The following CPNE5 variants were observed in gnomAD, a reference collection of about 807,000 sequenced individuals.
The protein encoded by CPNE5 is copine-5.
Under a neutral mutation model 81.1 loss-of-function variants are expected in CPNE5, and 42 were observed. The ratio of observed to expected loss-of-function variants is 0.52; its 90% CI spans 0.40 to 0.67. The LOEUF (loss-of-function observed/expected upper bound fraction) is 0.67. Among genes scored for constraint, CPNE5 ranks in the 30% least tolerant of loss-of-function variants. The pLI is 0.00. For synonymous variants in CPNE5, 313 were observed against 321.5 expected, an observed-to-expected ratio of 0.97 and a Z score of 0.28; for missense variants, 612 against 815.5, an observed-to-expected ratio of 0.75 and a Z score of 3.04.
At chr6:36,769,904 C>T (rs922450970) in intron 10 of CPNE5, among the ~76,000 whole-genome samples, 3 of 152,284 alleles carry the variant, frequency 2.0e-5, no homozygotes, top group Non-Finnish European at 2.9e-5. Flanking sequence ...TGGGAAGCTG[C>T]GGTGACTCCT....
chr6:36,742,505 G>A lies in CPNE5; in HGVS notation c.1564-19C>T, dbSNP rs147311998. On this transcript the variant is annotated intron_variant, in intron 20 of 20. Coordinates refer to ENST00000244751, the MANE Select transcript of CPNE5 (RefSeq NM_020939.2). ...GTACAAACTGGCAAGTGGGAGGGCA[G>A]GGTCAGGCAGTGCCTCCTGTGGGAC... The A allele has an allele frequency of 1.4e-4, 221 of 1,602,488 alleles. No homozygotes were observed. The highest frequency in any genetic ancestry group is 1.8e-4 in the Non-Finnish European group (214 of 1,174,998).
rs74292962 is a variant in CPNE5 at position 36,819,078 on chromosome 6, A to G, written c.183+3036T>C. Among the ~76,000 whole-genome samples, 625 of 152,284 alleles carry G rather than the reference A, an allele frequency of 4.1e-3. 3 individuals carry two copies. Among genetic ancestry groups the G allele is most frequent in the South Asian group, 0.02 (97 of 4,818 alleles). On this transcript the variant is annotated intron_variant, in intron 3 of 20. Transcript: ENST00000244751. ...GTAAACTTTAGCCCAGCCCCTGTGG[A>G]AATATTTCTCACATTTTTTTTGTTT...
intron 1 of CPNE5, chr6:36,827,628 T>C (rs1218460312): frequency 1.5e-5 from 15 of 985,284 alleles, no homozygotes; most frequent in Non-Finnish European, 1.8e-5. Flanking sequence ...CAGAAGTTTC[T>C]TCGAGGTAAA....
chr6:36,764,582 G>A (rs1006164306), intron 11 of CPNE5, among the ~76,000 whole-genome samples: 2 of 152,134 alleles, frequency 1.3e-5, no homozygotes, highest in African/African-American at 4.8e-5. Flanking sequence ...ATTTGGCTCA[G>A]CCGACAAGTA....
chr6:36,783,401 G>GT (rs1768229749), intron 8 of CPNE5, among the ~76,000 whole-genome samples: 1 of 138,802 alleles, frequency 7.2e-6, no homozygotes, highest in Non-Finnish European at 1.5e-5. Context: ...AAAAAAAAAG[G>GT]TTCTACCTAG....
intron 3 of CPNE5, among the ~76,000 whole-genome samples, chr6:36,810,635 A>G (rs926345377): frequency 9.2e-5 from 14 of 152,204 alleles, no homozygotes; most frequent in African/African-American, 3.4e-4. Flanking sequence ...TGGCCATGCC[A>G]GGCCTGCACC....
At chr6:36,825,058 A>T (rs573788197) in intron 1 of CPNE5, among the ~76,000 whole-genome samples, 97 of 152,288 alleles carry the variant, frequency 6.4e-4, no homozygotes, top group Middle Eastern at 3.4e-3. Flanking sequence ...GCAAAGGGCG[A>T]CCGTGGCCCA....
chr6:36,753,742 G>A (rs557949117), intron 13 of CPNE5, among the ~76,000 whole-genome samples: 1 of 152,332 alleles, frequency 6.6e-6, no homozygotes, highest in Admixed American at 6.5e-5. Flanking sequence ...CCTATGCCCT[G>A]GCAAAGTTAG....
intron 3 of CPNE5, among the ~76,000 whole-genome samples, chr6:36,819,336 G>C (rs1305465299): frequency 6.6e-5 from 10 of 152,236 alleles, no homozygotes. Context: ...GTGACCTCAA[G>C]TGATCTGCCT....
intron 11 of CPNE5, 98 bp downstream of exon 11, chr6:36,765,237 G>T (rs529156823): frequency 4.5e-5 from 59 of 1,312,714 alleles, no homozygotes; most frequent in Admixed American, 5.8e-5. Context: ...GAGCCACTGC[G>T]GGGGGGAGCC....
At chr6:36,756,398 C>A in intron 12 of CPNE5, 100 bp from the exon 13 acceptor site, 1 of 969,220 alleles carries the variant, frequency 1.0e-6, no homozygotes, top group East Asian at 2.4e-5. Context: ...AAGCCCAGCC[C>A]CATTAGAGTG....
intron 9 of CPNE5, among the ~76,000 whole-genome samples, chr6:36,777,916 C>G (rs1444742297): frequency 1.3e-5 from 2 of 152,186 alleles, no homozygotes; most frequent in South Asian, 2.1e-4. Context: ...TCCCCCACCC[C>G]CATGGCAGGG....
chr6:36,760,229 A>AAAAT (rs1554196934), intron 12 of CPNE5, among the ~76,000 whole-genome samples: 20 of 151,208 alleles, frequency 1.3e-4, no homozygotes, highest in African/African-American at 4.6e-4. Flanking sequence ...AAAAAAAAAA[A>AAAAT]AAAGCACGCA....
intron 1 of CPNE5, among the ~76,000 whole-genome samples, chr6:36,837,814 T>C (rs1243876327): frequency 1.3e-5 from 2 of 152,020 alleles, no homozygotes; most frequent in East Asian, 3.9e-4. Context: ...ACAGGCATGA[T>C]TGAAGGCTGG....
chr6:36,791,993 A>T (rs1241670690), intron 8 of CPNE5, 40 bp downstream of exon 8: 3 of 1,588,324 alleles, frequency 1.9e-6, no homozygotes, highest in African/African-American at 2.7e-5. Context: ...CATCACCCCC[A>T]CCCCAACCAC....
intron 9 of CPNE5, among the ~76,000 whole-genome samples, chr6:36,777,643 T>G (rs1226159175): frequency 6.6e-6 from 1 of 152,122 alleles, no homozygotes; most frequent in Non-Finnish European, 1.5e-5. Flanking sequence ...CCTTTTGTCA[T>G]GCAAATGATC....
chr6:36,752,326 C>G (rs558950519), intron 14 of CPNE5, among the ~76,000 whole-genome samples: 1 of 152,164 alleles, frequency 6.6e-6, no homozygotes. Context: ...AGGCTCTTTC[C>G]GTGAGCTGCT....
chr6:36,798,073 C>A (rs1393124937), intron 6 of CPNE5, 92 bp downstream of exon 6: 1 of 925,460 alleles, frequency 1.1e-6, no homozygotes, highest in South Asian at 1.4e-5. Flanking sequence ...CCAGTCATAG[C>A]CAGCTGACTG....
intron 17 of CPNE5, 94 bp from the exon 18 acceptor site, chr6:36,745,244 G>A: frequency 7.1e-7 from 1 of 1,416,894 alleles, no homozygotes; most frequent in Non-Finnish European, 9.7e-7. Flanking sequence ...GAGGGTGACA[G>A]CTCTTGGGGG....
Sources: allele counts gnomAD v4.1 joint callset (sites outside exome capture counted in the v4.1 genomes callset), GRCh38; gene constraint gnomAD v4.1.1; transcripts MANE v1.5; gene names NCBI Gene and HGNC (gene_info 2026-07-23, HGNC 2026-07-21).